Variants in RASA3 observed in about 807,000 individuals in gnomAD.
The protein encoded by RASA3 is ras GTPase-activating protein 3.
RASA3 carries 73 observed loss-of-function variants against 110.0 expected under a neutral mutation model. The ratio of observed to expected loss-of-function variants is 0.66; its 90% confidence interval spans 0.55 to 0.81. RASA3 has a LOEUF of 0.81. RASA3 is among the 30% of genes least tolerant of loss of function. The pLI is 0.00. For synonymous variants in RASA3, 500 were observed against 451.4 expected, an observed-to-expected ratio of 1.11 and a Z score of -1.37; for missense variants, 976 against 1,113.2, an observed-to-expected ratio of 0.88 and a Z score of 1.75.
intron 1 of RASA3, among the ~76,000 whole-genome samples, chr13:114,099,395 T>G (rs1291793285): frequency 6.6e-6 from 1 of 150,684 alleles, no homozygotes. Context: ...GCGTGTCTTG[T>G]GGGTGGGTGC....
intron 3 of RASA3, among the ~76,000 whole-genome samples, chr13:114,050,330 C>T (rs1428798696): frequency 6.6e-6 from 1 of 152,208 alleles, no homozygotes. Flanking sequence ...CATTTCAGGG[C>T]CAGGGTGTCC....
At chr13:114,062,179 T>C (rs545828851) in intron 2 of RASA3, among the ~76,000 whole-genome samples, 42 of 131,936 alleles carry the variant, frequency 3.2e-4, no homozygotes, top group Non-Finnish European at 6.3e-4. Context: ...TTTTAGAATT[T>C]TCCTGTGGGT....
intron 3 of RASA3, 46 bp downstream of exon 3, chr13:114,052,006 A>T: frequency 7.0e-7 from 1 of 1,430,568 alleles, no homozygotes; most frequent in Non-Finnish European, 9.9e-7. Context: ...CTCGCCTGGT[A>T]CAGAACAGGC....
intron 1 of RASA3, among the ~76,000 whole-genome samples, chr13:114,131,878 A>C (rs1045716132): frequency 6.6e-6 from 1 of 151,092 alleles, no homozygotes; most frequent in African/African-American, 2.4e-5. Context: ...AGCACACACA[A>C]ACACGCGCGC....
intron 1 of RASA3, among the ~76,000 whole-genome samples, chr13:114,076,711 C>T (rs1193807086): frequency 6.6e-6 from 1 of 152,108 alleles, no homozygotes; most frequent in Non-Finnish European, 1.5e-5. Flanking sequence ...GGAGCAGACG[C>T]AGCCTTCCTG....
At chr13:114,098,328 C>T (rs535412726) in intron 1 of RASA3, among the ~76,000 whole-genome samples, 6 of 152,162 alleles carry the variant, frequency 3.9e-5, no homozygotes, top group Admixed American at 3.9e-4. Flanking sequence ...CAACAGGGAC[C>T]CAGGTGCGGG....
chr13:114,111,161 A>C lies in RASA3; in HGVS notation c.55+21274T>G, dbSNP rs9562063. On this transcript the variant is annotated intron_variant, in intron 1 of 23. Coordinates refer to ENST00000334062, the MANE Select transcript of RASA3 (RefSeq NM_007368.4). ...TGAGCCTCAAACCAGCTGCAGGCCGAGTTCTAACGGGCTGAGCCACAAACG... is the reference window on the plus strand; with the variant it reads ...TGAGCCTCAAACCAGCTGCAGGCCGCGTTCTAACGGGCTGAGCCACAAACG... Among the ~76,000 whole-genome samples the C allele has an allele frequency of 1.0e-3, 63 of 61,648 alleles. 1 individual carries two copies. Among genetic ancestry groups the C allele is most frequent in the East Asian group, 9.3e-3 (10 of 1,076 alleles). 40.4% of individuals were successfully genotyped at this position (61,648 alleles called of 152,430 possible). A position where few individuals can be genotyped will look rare whatever the true frequency, so the allele number is the denominator to read the frequency against.
At chr13:114,013,425 C>T (rs1293757908) in intron 14 of RASA3, among the ~76,000 whole-genome samples, 177 bp from the exon 15 acceptor site, 5 of 130,186 alleles carry the variant, frequency 3.8e-5, no homozygotes, top group Non-Finnish European at 8.3e-5. Flanking sequence ...CTCTGTTTCC[C>T]TCTCTCTCTC....
intron 22 of RASA3, among the ~76,000 whole-genome samples, chr13:113,989,202 C>T (rs2053042729): frequency 6.7e-6 from 1 of 149,588 alleles, no homozygotes; most frequent in African/African-American, 2.5e-5. Context: ...ATCACTCACC[C>T]ATCTGTTCAT....
intron 22 of RASA3, among the ~76,000 whole-genome samples, chr13:113,990,283 A>G (rs1296815473): frequency 1.3e-5 from 2 of 152,206 alleles, no homozygotes; most frequent in Admixed American, 6.5e-5. Context: ...AAGCGCCTGG[A>G]GGAAGACACT....
chr13:114,089,451 G>A (rs1171959928), intron 1 of RASA3, among the ~76,000 whole-genome samples: 3 of 151,966 alleles, frequency 2.0e-5, no homozygotes, highest in Non-Finnish European at 4.4e-5. Flanking sequence ...ACAGGTGCCC[G>A]GCAAGCCCAG....
chr13:114,122,518 C>T (rs114967231), intron 1 of RASA3, among the ~76,000 whole-genome samples: 59 of 152,312 alleles, frequency 3.9e-4, no homozygotes, highest in South Asian at 1.2e-3. Context: ...TGCTTGGGGC[C>T]GAACCACCCC....
chr13:114,069,181 T>C (rs1158725951), intron 2 of RASA3, among the ~76,000 whole-genome samples: 1 of 151,976 alleles, frequency 6.6e-6, no homozygotes. Context: ...ACACATTCCA[T>C]TTGCAGCTTC....
At chr13:114,073,392 T>C (rs1346412201) in intron 2 of RASA3, among the ~76,000 whole-genome samples, 37 of 125,968 alleles carry the variant, frequency 2.9e-4, no homozygotes, top group Middle Eastern at 4.6e-3. Flanking sequence ...CGCGGGAAAA[T>C]GGGACGGTGA....
rs539590341 is a variant in RASA3 at position 114,016,857 on chromosome 13, C to G, written c.1206+380G>C. Among the ~76,000 whole-genome samples, 19 of 152,216 alleles carry G rather than the reference C, an allele frequency of 1.2e-4. 1 individual carries two copies. Among genetic ancestry groups the G allele is most frequent in the Admixed American group, 2.0e-4 (3 of 15,288 alleles). ...GAGGGTCAGGTGAGGAGTGGGTGTG[C>G]GGGCATCAGAGGGTCGGGTGAGGAC... On this transcript the variant is annotated intron_variant, in intron 12 of 23. Transcript: ENST00000334062.
chr13:114,121,925 A>G (rs969583894), intron 1 of RASA3, among the ~76,000 whole-genome samples: 4 of 152,210 alleles, frequency 2.6e-5, no homozygotes, highest in African/African-American at 9.6e-5. Context: ...CGAGTGCAGG[A>G]GCCTGCTCCC....
intron 1 of RASA3, among the ~76,000 whole-genome samples, chr13:114,118,055 C>T (rs952192551): frequency 3.9e-5 from 6 of 152,180 alleles, no homozygotes; most frequent in African/African-American, 1.4e-4. Flanking sequence ...TTTAGAAGTG[C>T]CTTAATCTTC....
chr13:114,010,605 A>AGCGCC (rs1450892077), intron 16 of RASA3, among the ~76,000 whole-genome samples: 2 of 58,712 alleles, frequency 3.4e-5, no homozygotes, highest in Non-Finnish European at 6.8e-5. Context: ...TGGGGAGGGG[A>AGCGCC]GCGCCACGTT....
Position 114,010,400 on chromosome 13 carries a change from G to A in RASA3, c.1590+771C>T, listed in dbSNP as rs549809824. ...GCAGAGACAGCCTTGGGCCTCACCA[G>A]GAGCACTGCCCCCGGGACGCCTCAA... On this transcript the variant is annotated intron_variant, in intron 16 of 23. Transcript: ENST00000334062. Among the ~76,000 whole-genome samples the A allele has an allele frequency of 2.6e-4, 39 of 152,112 alleles. No individual in the cohort carries two copies. In the South Asian group the frequency reaches 7.7e-3, roughly 30 times the overall value.
Sources: allele counts gnomAD v4.1 joint callset (sites outside exome capture counted in the v4.1 genomes callset), GRCh38; gene constraint gnomAD v4.1.1; transcripts MANE v1.5; gene names NCBI Gene and HGNC (gene_info 2026-07-23, HGNC 2026-07-21).